RETSAT: variants seen among roughly 807,000 people sequenced by gnomAD.
The protein encoded by RETSAT is all-trans-retinol 13,14-reductase.
Under a neutral mutation model 61.6 loss-of-function variants are expected in RETSAT, and 35 were observed. The observed-to-expected ratio is 0.57, with a 90% CI of 0.43 to 0.75. The LOEUF (loss-of-function observed/expected upper bound fraction) is 0.75. RETSAT is among the 30% of genes least tolerant of loss of function. RETSAT has a pLI of 0.00. For synonymous variants in RETSAT, 277 were observed against 310.4 expected, an observed-to-expected ratio of 0.89 and a Z score of 1.13; for missense variants, 670 against 759.5, an observed-to-expected ratio of 0.88 and a Z score of 1.38.
chr2:85,351,059 T>C (rs377258976), intron 2 of RETSAT, 38 bp from the exon 3 acceptor site: 1 of 1,611,110 alleles, frequency 6.2e-7, no homozygotes, highest in Non-Finnish European at 8.5e-7. Context: ...TAAAGGGATA[T>C]GGGGATTGAG....
chr2:85,350,750 A>C, intron 3 of RETSAT, 30 bp downstream of exon 3: 1 of 1,613,476 alleles, frequency 6.2e-7, no homozygotes, highest in Non-Finnish European at 8.5e-7. Context: ...ATCGAGAACA[A>C]ACTCTGGGTC....
rs369419392 is a variant in RETSAT at position 85,354,412 on chromosome 2, A to G, written c.96T>C (p.Pro32=). 4 of 1,614,216 alleles carry G rather than the reference A, an allele frequency of 2.5e-6. No individual in the cohort carries two copies. Among genetic ancestry groups the G allele is most frequent in the Non-Finnish European group, 2.5e-6 (3 of 1,180,032 alleles). Residue 32 remains proline, a synonymous_variant, in exon 1 of 11, where the codon CCT becomes CCC. Transcript: ENST00000295802. ...LGLFSGSSPN[P]FSEDVKRPPA... is the part of the protein sequence containing the mutation. Reference sequence around the variant, plus strand: ...GGGGCCGTTTGACATCTTCGGAGAAAGGATTCGGGGAGCTGCCAGAGAATA... The same window carrying G: ...GGGGCCGTTTGACATCTTCGGAGAAGGGATTCGGGGAGCTGCCAGAGAATA...
chr2:85,350,216 G>C lies in RETSAT; in HGVS notation c.623C>G (p.Ala208Gly), dbSNP rs1683275822. ...CAATGGGAGGAATTTCAACAGGATG[G>C]CATGAGGGGCTCCACTGGATACCAC... is the stretch of plus-strand genomic sequence containing the variant. The part of the protein sequence containing the change: ...VKVVSSGAPH[A>G]ILLKFLPLPV... The change falls in exon 4 of 11, where the codon GCC becomes GGC. Residue 208 changes from alanine to glycine, a missense_variant. Coordinates refer to ENST00000295802, the MANE Select transcript of RETSAT (RefSeq NM_017750.4). 1 of 1,613,728 alleles carries C rather than the reference G, an allele frequency of 6.2e-7. No individual in the cohort carries two copies. The highest frequency in any genetic ancestry group is 1.3e-5 in the African/African-American group (1 of 74,882).
chr2:85,348,798 C>A (rs1054826705), intron 5 of RETSAT, among the ~76,000 whole-genome samples: 1 of 150,462 alleles, frequency 6.6e-6, no homozygotes, highest in African/African-American at 2.4e-5. Flanking sequence ...TCGCCCAGGC[C>A]GGAGTGCGGT....
intron 6 of RETSAT, chr2:85,345,725 CT>C (rs1370068770): frequency 1.6e-6 from 1 of 614,596 alleles, no homozygotes; most frequent in Non-Finnish European, 3.0e-6. Context: ...AGACCAGCTA[CT>C]CTGCTCAGCC....
chr2:85,348,630 C>CAAAAA (rs11400450), intron 5 of RETSAT, among the ~76,000 whole-genome samples: 31 of 43,830 alleles, frequency 7.1e-4, no homozygotes, highest in Admixed American at 1.0e-3. Flanking sequence ...GACTCCAACT[C>CAAAAA]AAAAAAAAAA....
chr2:85,347,930 C>A (rs1037624693), intron 5 of RETSAT, among the ~76,000 whole-genome samples: 2 of 152,140 alleles, frequency 1.3e-5, no homozygotes, highest in African/African-American at 2.4e-5. Context: ...ACTGGGCCCC[C>A]CACTTATCAC....
chr2:85,347,742 G>C (rs1352726540), intron 5 of RETSAT, among the ~76,000 whole-genome samples: 1 of 152,190 alleles, frequency 6.6e-6, no homozygotes, highest in Non-Finnish European at 1.5e-5. Context: ...TAACTCAACT[G>C]ATACCTTGCT....
Position 85,344,329 on chromosome 2 carries a change from T to C in RETSAT, c.1276A>G (p.Met426Val), listed in dbSNP as rs1367516986. The C allele has an allele frequency of 3.1e-6, 5 of 1,614,078 alleles. No homozygotes were observed. The highest frequency in any genetic ancestry group is 4.2e-6 in the Non-Finnish European group (5 of 1,180,002). Reference protein sequence around the residue: ...MDQAMERYVSMPREEAAEHIP... With the variant: ...MDQAMERYVSVPREEAAEHIP... Reference sequence around the variant, plus strand: ...TGTTCCGCAGCCTCTTCCCTGGGCATGGAGACGTAGCGCTCCATCCTGCAT... The same window carrying C: ...TGTTCCGCAGCCTCTTCCCTGGGCACGGAGACGTAGCGCTCCATCCTGCAT... Residue 426 changes from methionine to valine, a missense_variant, in exon 8 of 11, where the codon ATG becomes GTG. Met to Val is a conservative substitution (Grantham distance 21). Transcript: ENST00000295802.
Position 85,343,675 on chromosome 2 carries a change from T to A in RETSAT, c.1657A>T (p.Arg553Trp). Residue 553 changes from arginine to tryptophan, a missense_variant, in exon 10 of 11, where the codon AGG (arginine) becomes TGG (tryptophan). Transcript: ENST00000295802. Reference protein sequence around the residue: ...RLHPCVMASLRAQSPIPNLYL... With the variant: ...RLHPCVMASLWAQSPIPNLYL... ...AGGTTGGGGATGGGGCTCTGGGCCC[T>A]CAAGGAGGCCATCACACAAGGGTGC... 6.2e-7 allele frequency: 1 copy of A among 1,613,248 alleles called. No individual in the cohort carries two copies. The highest frequency in any genetic ancestry group is 1.1e-5 in the South Asian group (1 of 91,058).
intron 5 of RETSAT, among the ~76,000 whole-genome samples, chr2:85,349,064 T>TTTTTTTGTTTTTTG (rs1683255197): frequency 6.6e-6 from 1 of 151,640 alleles, no homozygotes; most frequent in African/African-American, 2.4e-5. Flanking sequence ...TTTGTTTTTT[T>TTTTTTTGTTTTTTG]TTTTTTAAAG....
At position 85,343,228 on chromosome 2, in the gene RETSAT, C is replaced by A. The variant is rs1415624992; in HGVS notation, c.*14G>T. 1 of 1,612,826 alleles carries A rather than the reference C, an allele frequency of 6.2e-7. No individual in the cohort carries two copies. The highest frequency in any genetic ancestry group is 2.2e-5 in the East Asian group (1 of 44,900). On this transcript the variant is annotated 3_prime_UTR_variant, in exon 11 of 11. Transcript: ENST00000295802. Reference sequence around the variant, plus strand: ...AGCCATTGGGCAAATTCCTCTGACTCCTCCCTGATGGAACTAATTCTTTTT... The same window carrying A: ...AGCCATTGGGCAAATTCCTCTGACTACTCCCTGATGGAACTAATTCTTTTT...
intron 4 of RETSAT, 190 bp downstream of exon 4, chr2:85,349,850 C>T: frequency 1.6e-6 from 1 of 639,066 alleles, no homozygotes; most frequent in Non-Finnish European, 2.7e-6. Flanking sequence ...TCATCCAAGG[C>T]ATGGATGAAC....
chr2:85,351,954 C>A, intron 1 of RETSAT, 92 bp from the exon 2 acceptor site: 1 of 1,238,962 alleles, frequency 8.1e-7, no homozygotes, highest in Non-Finnish European at 1.1e-6. Flanking sequence ...CTAGCTTGTA[C>A]AGTGCAAGAA....
Position 85,350,800 on chromosome 2 carries a change from T to C in RETSAT, c.577A>G (p.Lys193Glu), listed in dbSNP as rs1316268526. The change falls in exon 3 of 11, where the codon AAG becomes GAG. Residue 193 changes from lysine (K) to glutamate (E), a missense_variant. Transcript: ENST00000295802. ...KFPQEEAIIDKYIKLVKVVSS... is the reference protein window; with the variant it reads ...KFPQEEAIIDEYIKLVKVVSS... ...GTTACCTTAACCAGCTTTATATACT[T>C]GTCAATGATAGCTTCCTCCTGTGGA... 9 of 1,614,236 alleles carry C rather than the reference T, an allele frequency of 5.6e-6. No individual in the cohort carries two copies. The highest frequency in any genetic ancestry group is 1.1e-5 in the South Asian group (1 of 91,088).
At chr2:85,344,795 C>A in intron 6 of RETSAT, 63 bp from the exon 7 acceptor site, 2 of 1,576,630 alleles carry the variant, frequency 1.3e-6, no homozygotes, top group Non-Finnish European at 1.7e-6. Flanking sequence ...TCCTTGCTCC[C>A]AGGAGAGCCT....
chr2:85,344,481 TC>T (rs1683153686), intron 7 of RETSAT, 112 bp downstream of exon 7: 7 of 1,548,984 alleles, frequency 4.5e-6, no homozygotes, highest in Non-Finnish European at 5.3e-6. Flanking sequence ...GTGACAAACT[TC>T]CAGGAGCAAA....
rs761054796 is a variant in RETSAT, at chr2:85,350,194, T to G, written c.645A>C (p.Pro215=). 5 of 1,613,548 alleles carry G rather than the reference T, an allele frequency of 3.1e-6. No homozygotes were observed. In the South Asian group the frequency reaches 5.5e-5, roughly 18 times the overall value. ...TGTCGAGGAGCTGAACCACGGGCAATGGGAGGAATTTCAACAGGATGGCAT... is the reference window on the plus strand; with the variant it reads ...TGTCGAGGAGCTGAACCACGGGCAAGGGGAGGAATTTCAACAGGATGGCAT... ...APHAILLKFL[P]LPVVQLLDRC... is the part of the protein sequence containing the mutation. Residue 215 remains proline (P), a synonymous_variant, in exon 4 of 11, where the codon CCA becomes CCC. Coordinates refer to ENST00000295802, the MANE Select transcript of RETSAT (RefSeq NM_017750.4).
intron 1 of RETSAT, 81 bp downstream of exon 1, chr2:85,354,255 C>A: frequency 1.3e-6 from 2 of 1,499,898 alleles, no homozygotes; most frequent in African/African-American, 1.4e-5. Flanking sequence ...CGTCTGGTAG[C>A]GGCTGCCTTG....
Sources: allele counts gnomAD v4.1 joint callset (sites outside exome capture counted in the v4.1 genomes callset), GRCh38; gene constraint gnomAD v4.1.1; transcripts MANE v1.5; gene names NCBI Gene and HGNC (gene_info 2026-07-23, HGNC 2026-07-21).